FRMD4B: variants seen among roughly 807,000 people sequenced by gnomAD.
FRMD4B encodes the protein FERM domain-containing protein 4B.
FRMD4B carries 74 observed loss-of-function variants against 141.5 expected under a neutral mutation model. The observed-to-expected ratio is 0.52, with a 90% CI of 0.43 to 0.63. The LOEUF (loss-of-function observed/expected upper bound fraction) is 0.63. FRMD4B is among the 30% of genes least tolerant of loss of function. The probability of loss-of-function intolerance (pLI) is 0.00; values close to 1 mark genes in which losing one functional copy is unlikely to be tolerated. For missense variants in FRMD4B, 1,366 were observed against 1,253.4 expected, an observed-to-expected ratio of 1.09 and a Z score of -1.36; for synonymous variants, 506 against 467.9, an observed-to-expected ratio of 1.08 and a Z score of -1.05.
In FRMD4B at chr3:69,507,881, G is replaced by C. The variant is rs569732752; in HGVS notation, c.-129+34325C>G. On this transcript the variant is annotated intron_variant, in intron 1 of 5. Transcript: ENST00000459638. The stretch of plus-strand genomic sequence containing the variant: ...TTTTTTCAGAGGTAAGAAAAATTAA[G>C]GTTTTTAAAAAATCCTATTTCTTTT... 9.9e-5 allele frequency among the ~76,000 whole-genome samples: 15 copies of C among 152,124 alleles called. No homozygotes were observed. The South Asian group carries it at 2.7e-3, about 27-fold the overall frequency.
At chr3:69,265,271 TATA>T (rs2093554927) in intron 5 of FRMD4B, among the ~76,000 whole-genome samples, 1 of 6,762 alleles carries the variant, frequency 1.5e-4, no homozygotes, top group African/African-American at 5.9e-4. Context: ...AAAAAAAAAA[TATA>T]TATATATATA....
Position 69,196,996 on chromosome 3 carries a change from A to G in FRMD4B, c.996T>C (p.Phe332=). The change falls in exon 13 of 23, where the codon TTT becomes TTC. Residue 332 remains phenylalanine, a synonymous_variant. Transcript: ENST00000398540. ...AAGAGTTAGCATACCATGTTTGCACAAACAAGCCACTTTGCCCAAAGGTTC... is the reference window on the plus strand; with the variant it reads ...AAGAGTTAGCATACCATGTTTGCACGAACAAGCCACTTTGCCCAAAGGTTC... The part of the protein sequence containing the change: ...SRRTFGQSGL[F]VQTWYANSSL... 1 of 1,609,220 alleles carries G rather than the reference A, an allele frequency of 6.2e-7. No individual in the cohort carries two copies. The highest frequency in any genetic ancestry group is 8.5e-7 in the Non-Finnish European group (1 of 1,175,524).
At chr3:69,533,179 G>C (rs1246948169) in intron 1 of FRMD4B, among the ~76,000 whole-genome samples, 1 of 152,190 alleles carries the variant, frequency 6.6e-6, no homozygotes, top group Non-Finnish European at 1.5e-5. Flanking sequence ...TTCAGGATCT[G>C]TTGTAGGGGG....
rs149781496 is a variant in FRMD4B at position 69,252,472 on chromosome 3, T to G, written c.502-2373A>C. 7.3e-4 allele frequency among the ~76,000 whole-genome samples: 111 copies of G among 152,324 alleles called. 1 individual carries two copies. Among genetic ancestry groups the G allele is most frequent in the African/African-American group, 2.2e-3 (91 of 41,584 alleles). On this transcript the variant is annotated intron_variant, in intron 5 of 22. Transcript: ENST00000398540. ...ACGCATGCTTTGGCAAAGGCCCATATTCTTTTAAAACCCTCAGCCCCTACC... is the reference window on the plus strand; with the variant it reads ...ACGCATGCTTTGGCAAAGGCCCATAGTCTTTTAAAACCCTCAGCCCCTACC...
At chr3:69,288,489 G>T (rs1700768774) in intron 4 of FRMD4B, among the ~76,000 whole-genome samples, 1 of 152,234 alleles carries the variant, frequency 6.6e-6, no homozygotes, top group Non-Finnish European at 1.5e-5. Flanking sequence ...CCCTTTCTAG[G>T]ATTTTGCTTG....
At chr3:69,274,365 G>A (rs367982764) in intron 5 of FRMD4B, among the ~76,000 whole-genome samples, 39 of 152,164 alleles carry the variant, frequency 2.6e-4, no homozygotes, top group Middle Eastern at 3.4e-3. Context: ...ATAGAGCTAA[G>A]GCCAGACTCC....
chr3:69,530,589 G>C (rs1575602319), intron 1 of FRMD4B, among the ~76,000 whole-genome samples: 1 of 151,584 alleles, frequency 6.6e-6, no homozygotes, highest in East Asian at 1.9e-4. Context: ...CCCAGCCTCA[G>C]GTATACCTTT....
At chr3:69,188,763 CAA>C (rs11328404) in intron 18 of FRMD4B, among the ~76,000 whole-genome samples, 116 of 66,816 alleles carry the variant, frequency 1.7e-3, no homozygotes, top group Middle Eastern at 7.5e-3. Context: ...GACTCCGTCT[CAA>C]AAAAAAAAAA....
chr3:69,195,051 A>G lies in FRMD4B; in HGVS notation c.1459T>C (p.Leu487=), dbSNP rs201688010. The change falls in exon 16 of 23, where the codon TTA becomes CTA. Residue 487 remains leucine (L), a synonymous_variant. Transcript: ENST00000398540. ...TCACTCGGCAGCAAGTTGTCATCTA[A>G]TTTGAACGCAGTACCCACACGTCTT... ...VRRRVGTAFK[L]DDNLLPSEED... 6.2e-7 allele frequency: 1 copy of G among 1,613,882 alleles called. No homozygotes were observed. Among genetic ancestry groups the G allele is most frequent in the African/African-American group, 1.3e-5 (1 of 75,052 alleles).
chr3:69,191,889 G>T (rs755896137), intron 17 of FRMD4B, among the ~76,000 whole-genome samples: 14 of 152,132 alleles, frequency 9.2e-5, no homozygotes, highest in African/African-American at 1.2e-4. Flanking sequence ...AGCTGTAGTG[G>T]ACTAACACTT....
chr3:69,356,717 T>C (rs905297421), intron 1 of FRMD4B, among the ~76,000 whole-genome samples: 40 of 151,558 alleles, frequency 2.6e-4, no homozygotes, highest in African/African-American at 7.0e-4. Context: ...CCATTAGTCA[T>C]AGGGATCAGA....
At chr3:69,374,271 A>C (rs1226375839) in intron 1 of FRMD4B, among the ~76,000 whole-genome samples, 1 of 152,246 alleles carries the variant, frequency 6.6e-6, no homozygotes, top group East Asian at 1.9e-4. Flanking sequence ...AAGGGTAAGC[A>C]GCTTGGCTCA....
rs141548381 is a variant in FRMD4B at position 69,260,308 on chromosome 3, C to T, written c.502-10209G>A. On this transcript the variant is annotated intron_variant, in intron 5 of 22. Transcript: ENST00000398540. ...GAACCAGGGCTGTGCACCGTGTTCG[C>T]GAGTTGGCGAGTCAGCACGAGTTCC... 1.1e-3 allele frequency among the ~76,000 whole-genome samples: 165 copies of T among 152,314 alleles called. 2 individuals carry two copies. The highest frequency in any genetic ancestry group is 4.3e-3 in the East Asian group (22 of 5,166).
chr3:69,195,096 C>T lies in FRMD4B; in HGVS notation c.1414G>A (p.Glu472Lys), dbSNP rs540973302. 11 of 1,613,770 alleles carry T rather than the reference C, an allele frequency of 6.8e-6. No individual in the cohort carries two copies. The highest frequency in any genetic ancestry group is 6.7e-5 in the African/African-American group (5 of 75,046). Residue 472 changes from glutamate (E) to lysine (K), a missense_variant, in exon 16 of 23, where the codon GAG (glutamate) becomes AAG (lysine). Coordinates refer to ENST00000398540, the MANE Select transcript of FRMD4B (RefSeq NM_015123.3). Reference sequence around the variant, plus strand: ...CGTCTTCTGACCTGAGGAGGCTTCTCGCCTATGTTCAGGGGATACTCCTTT... The same window carrying T: ...CGTCTTCTGACCTGAGGAGGCTTCTTGCCTATGTTCAGGGGATACTCCTTT... ...MPKEYPLNIG[E>K]KPPQVRRRVG... is the part of the protein sequence containing the mutation.
intron 7 of FRMD4B, among the ~76,000 whole-genome samples, chr3:69,241,886 C>CA (rs2093387071): frequency 2.0e-5 from 3 of 151,846 alleles, no homozygotes; most frequent in Admixed American, 1.3e-4. Flanking sequence ...CAAAACAAAA[C>CA]AAAACAAAAC....
chr3:69,500,697 C>A (rs533262615), intron 1 of FRMD4B, among the ~76,000 whole-genome samples: 1 of 151,890 alleles, frequency 6.6e-6, no homozygotes, highest in African/African-American at 2.4e-5. Flanking sequence ...CCCCCCACCC[C>A]CCAAGCCAGG....
At chr3:69,332,453 C>A (rs118112613) in intron 1 of FRMD4B, among the ~76,000 whole-genome samples, 1 of 152,180 alleles carries the variant, frequency 6.6e-6, no homozygotes, top group Non-Finnish European at 1.5e-5. Flanking sequence ...CTGAAGTCAC[C>A]GGCCTCAGGT....
intron 1 of FRMD4B, among the ~76,000 whole-genome samples, chr3:69,514,108 A>C (rs769435751): frequency 1.3e-5 from 2 of 152,206 alleles, no homozygotes; most frequent in Non-Finnish European, 2.9e-5. Context: ...AGAAGGAAGT[A>C]AAATGGTCTC....
chr3:69,394,800 T>C (rs997313154), intron 2 of FRMD4B, among the ~76,000 whole-genome samples: 11 of 152,032 alleles, frequency 7.2e-5, no homozygotes, highest in African/African-American at 4.8e-5. Flanking sequence ...GATAAAGAAA[T>C]TGTGGCAGAT....
Sources: gnomAD v4.1 joint callset for allele counts (sites outside exome capture counted in the v4.1 genomes callset) on GRCh38, gnomAD v4.1.1 for gene constraint, MANE v1.5 for transcripts, NCBI Gene and HGNC (gene_info 2026-07-23, HGNC 2026-07-21) for gene names.